SMYD3: variants seen among roughly 807,000 people sequenced by gnomAD.
SMYD3 encodes histone-lysine N-methyltransferase SMYD3.
A neutral mutation model predicts 57.7 loss-of-function variants in SMYD3; 36 were observed. The observed-to-expected ratio is 0.62, with a 90% CI of 0.48 to 0.82. SMYD3 has a LOEUF of 0.82. Ranked by LOEUF, SMYD3 falls within the 40% of genes least tolerant of loss-of-function variation. The pLI, the probability that SMYD3 is intolerant of heterozygous loss-of-function variation, is 0.00. For missense variants in SMYD3, 515 were observed against 538.8 expected (o/e 0.96, Z 0.44); for synonymous variants, 211 against 195.0 (o/e 1.08, Z -0.68).
Position 246,043,144 on chromosome 1 carries a change from G to A in SMYD3, c.532-113207C>T, listed in dbSNP as rs532292366. Among the ~76,000 whole-genome samples, 9 of 152,232 alleles carry A rather than the reference G, an allele frequency of 5.9e-5. No individual in the cohort carries two copies. In the East Asian group the frequency reaches 1.2e-3, roughly 20 times the overall value. ...CACATGTACACATATACACAGCATC[G>A]ATTACTCCATGGATTAACTCTGCTT... On this transcript the variant is annotated intron_variant, in intron 5 of 11. Transcript: ENST00000490107.
intron 1 of SMYD3, among the ~76,000 whole-genome samples, chr1:246,480,344 G>T (rs1480571904): frequency 6.6e-6 from 1 of 152,166 alleles, no homozygotes; most frequent in African/African-American, 2.4e-5. Context: ...GACTCCATGT[G>T]TGAGTTTCTG....
intron 5 of SMYD3, among the ~76,000 whole-genome samples, chr1:246,033,745 C>A (rs1027516280): frequency 6.6e-6 from 1 of 152,092 alleles, no homozygotes; most frequent in African/African-American, 2.4e-5. Context: ...CAAGATCACG[C>A]TACCGCACTC....
chr1:245,798,484 CCACACA>C lies in SMYD3; in HGVS notation c.1077-34341_1077-34336del, dbSNP rs146927711. 2.3e-3 allele frequency among the ~76,000 whole-genome samples: 305 copies of C among 132,264 alleles called. 2 individuals are homozygous for C. The highest frequency in any genetic ancestry group is 0.022 in the East Asian group (92 of 4,102). The allele number at this position is 132,264 out of a possible 152,430, so 86.8% of individuals were successfully genotyped here. ...CACATACACACACATACACAACACA[CCACACA>C]CACACACACACACACCTTGAGCCTT... On this transcript the variant is annotated intron_variant, in intron 10 of 11. Transcript: ENST00000490107.
intron 10 of SMYD3, chr1:245,788,775 G>A (rs539972085): frequency 2.6e-5 from 4 of 152,196 alleles, no homozygotes; most frequent in South Asian, 4.2e-4. Context: ...CACATTCTTC[G>A]TTCCAGTCTC....
At chr1:246,422,510 C>T (rs1375421284) in intron 1 of SMYD3, among the ~76,000 whole-genome samples, 1 of 152,052 alleles carries the variant, frequency 6.6e-6, no homozygotes. Flanking sequence ...CTGCAACTTC[C>T]ACCTCCTGCG....
At chr1:246,462,141 C>T (rs1034561313) in intron 1 of SMYD3, among the ~76,000 whole-genome samples, 16 of 152,166 alleles carry the variant, frequency 1.1e-4, no homozygotes, top group Non-Finnish European at 1.6e-4. Flanking sequence ...GTGTGGAAAG[C>T]CTAGCATTGT....
At chr1:245,952,113 G>T (rs1464422749) in intron 5 of SMYD3, among the ~76,000 whole-genome samples, 1 of 145,186 alleles carries the variant, frequency 6.9e-6, no homozygotes, top group Non-Finnish European at 1.5e-5. Flanking sequence ...TGGTGTCAAA[G>T]AAAATAAAAC....
rs746225362 is a variant in SMYD3 at position 245,951,568 on chromosome 1, C to CAAAAA, written c.532-21636_532-21632dup. On this transcript the variant is annotated intron_variant, in intron 5 of 11. Transcript: ENST00000490107. ...TGGGTGACAGAGCGAGGCTCTCTCT[C>CAAAAA]AAAAAAAAAAAAAAACAATTGCCAT... Among the ~76,000 whole-genome samples the CAAAAA allele has an allele frequency of 3.7e-4, 35 of 94,676 alleles. 1 individual carries two copies. The highest frequency in any genetic ancestry group is 1.1e-3 in the African/African-American group (26 of 23,632). The allele number at this position is 94,676 out of a possible 152,430, so 62.1% of individuals were successfully genotyped here.
Position 246,355,021 on chromosome 1 carries a change from A to G in SMYD3, c.228+10T>C, listed in dbSNP as rs2065888940. ...GAAAGCTTCACTTATATATGGCTGA[A>G]AAGTCTTACCTGACACTTAGCACTA... On this transcript the variant is annotated intron_variant, in intron 2 of 11. Coordinates refer to ENST00000490107, the MANE Select transcript of SMYD3 (RefSeq NM_001167740.2). This position sits in a 1 kb window ranked among gnomAD's most constrained non-coding sequence, Gnocchi z 5.0. 1 of 1,613,642 alleles carries G rather than the reference A, an allele frequency of 6.2e-7. No homozygotes were observed. Among genetic ancestry groups the G allele is most frequent in the African/African-American group, 1.3e-5 (1 of 74,900 alleles).
intron 5 of SMYD3, among the ~76,000 whole-genome samples, chr1:246,004,037 C>T (rs945582874): frequency 2.1e-4 from 12 of 56,702 alleles, no homozygotes; most frequent in African/African-American, 4.0e-4. Flanking sequence ...ATTCGGGCAC[C>T]GCCACTTACT....
chr1:246,046,272 A>G (rs1322147840), intron 5 of SMYD3, among the ~76,000 whole-genome samples: 2 of 152,358 alleles, frequency 1.3e-5, no homozygotes, highest in East Asian at 1.9e-4. Context: ...TGGCACATAT[A>G]CACCATGGAA....
chr1:245,750,189 T>A (rs915807432), intron 11 of SMYD3, among the ~76,000 whole-genome samples: 1 of 152,206 alleles, frequency 6.6e-6, no homozygotes, highest in Admixed American at 6.5e-5. Flanking sequence ...ACTCTTATCT[T>A]CAAAATATTT....
At position 246,171,415 on chromosome 1, in the gene SMYD3, C is replaced by G. The variant is rs530189552; in HGVS notation, c.531+155786G>C. On this transcript the variant is annotated intron_variant, in intron 5 of 11. Coordinates refer to ENST00000490107, the MANE Select transcript of SMYD3 (RefSeq NM_001167740.2). ...TCCAGAGGGATGGGGGTAGGGAGTG[C>G]CGGTGTCATCACTGGAAAAGAGCTT... is the stretch of plus-strand genomic sequence containing the variant. Among the ~76,000 whole-genome samples the G allele has an allele frequency of 2.0e-5, 3 of 152,182 alleles. No homozygotes were observed. In the East Asian group the frequency reaches 5.8e-4, roughly 29 times the overall value.
chr1:246,490,452 G>A (rs1159113911), intron 1 of SMYD3, among the ~76,000 whole-genome samples: 1 of 152,154 alleles, frequency 6.6e-6, no homozygotes, highest in Non-Finnish European at 1.5e-5. Flanking sequence ...CTAGGGTCTT[G>A]GGATTCACAG....
chr1:245,914,662 G>A (rs1315541646), intron 8 of SMYD3, among the ~76,000 whole-genome samples: 1 of 152,138 alleles, frequency 6.6e-6, no homozygotes, highest in African/African-American at 2.4e-5. Flanking sequence ...TAGGAGGAAC[G>A]AATCTGCTCA....
chr1:246,309,354 C>CCT (rs900619810), intron 5 of SMYD3, among the ~76,000 whole-genome samples: 5 of 152,108 alleles, frequency 3.3e-5, no homozygotes, highest in African/African-American at 1.2e-4. Context: ...TTATCATACT[C>CCT]CTCCAGCCAG....
chr1:246,219,831 G>A (rs2063224349), intron 5 of SMYD3, among the ~76,000 whole-genome samples: 2 of 152,096 alleles, frequency 1.3e-5, no homozygotes, highest in South Asian at 4.1e-4. Context: ...ACACCTGCAT[G>A]CCTCCTTTCA....
chr1:246,039,297 C>T (rs2059828963), intron 5 of SMYD3, among the ~76,000 whole-genome samples: 1 of 152,210 alleles, frequency 6.6e-6, no homozygotes, highest in African/African-American at 2.4e-5. Flanking sequence ...TCCCCATATA[C>T]ATGCATATTG....
chr1:246,237,441 G>A (rs920652349), intron 5 of SMYD3, among the ~76,000 whole-genome samples: 12 of 152,156 alleles, frequency 7.9e-5, no homozygotes, highest in African/African-American at 2.9e-4. Flanking sequence ...AGGTAGCTTA[G>A]GAGGGCTGCT....
Sources: gnomAD v4.1 joint callset for allele counts (sites outside exome capture counted in the v4.1 genomes callset) on GRCh38, gnomAD v4.1.1 for gene constraint, Gnocchi (gnomAD v3.1) non-coding constraint, MANE v1.5 for transcripts, NCBI Gene and HGNC (gene_info 2026-07-23, HGNC 2026-07-21) for gene names.